The following DNAH9 variants were observed in gnomAD, a reference collection of about 807,000 sequenced individuals.
The protein encoded by DNAH9 is DNAH9 variant protein.
In DNAH9, 345 loss-of-function variants were observed where a neutral mutation model predicts 471.6. That is an observed-to-expected ratio of 0.73 (90% CI 0.67 to 0.80). The LOEUF (loss-of-function observed/expected upper bound fraction) is 0.80. DNAH9 is among the 30% of genes least tolerant of loss of function. The probability of loss-of-function intolerance (pLI) is 0.00; values close to 1 mark genes in which losing one functional copy is unlikely to be tolerated. For synonymous variants in DNAH9, 2,093 were observed against 2,123.6 expected (o/e 0.99, Z 0.40); for missense variants, 5,407 against 5,609.2 (o/e 0.96, Z 1.15).
intron 28 of DNAH9, among the ~76,000 whole-genome samples, chr17:11,734,187 T>C (rs1366794062): frequency 6.6e-6 from 1 of 151,776 alleles, no homozygotes; most frequent in Non-Finnish European, 1.5e-5. Flanking sequence ...AAATGCAGAG[T>C]CTCAGGCCCC....
intron 50 of DNAH9, among the ~76,000 whole-genome samples, chr17:11,860,969 T>C (rs1021694388): frequency 7.2e-5 from 11 of 152,196 alleles, no homozygotes; most frequent in Non-Finnish European, 1.2e-4. Context: ...AGTCTTCTAA[T>C]CTTTTCCTTT....
chr17:11,722,077 G>A (rs780466085), intron 27 of DNAH9, among the ~76,000 whole-genome samples: 9 of 152,252 alleles, frequency 5.9e-5, no homozygotes, highest in South Asian at 2.1e-4. Flanking sequence ...CACAGGACCC[G>A]GCTGGGAGAG....
intron 57 of DNAH9, among the ~76,000 whole-genome samples, chr17:11,889,211 G>A (rs939775528): frequency 2.6e-5 from 4 of 152,140 alleles, no homozygotes; most frequent in Admixed American, 6.5e-5. Flanking sequence ...GACATGGCTG[G>A]GGGAATAACA....
chr17:11,810,204 G>C, intron 44 of DNAH9, 42 bp from the exon 45 acceptor site: 2 of 1,580,754 alleles, frequency 1.3e-6, no homozygotes, highest in Non-Finnish European at 1.7e-6. Flanking sequence ...CTTTCAAGGA[G>C]GCCTTCTTTT....
intron 48 of DNAH9, among the ~76,000 whole-genome samples, chr17:11,824,734 G>T (rs1385849310): frequency 6.6e-6 from 1 of 151,258 alleles, no homozygotes; most frequent in South Asian, 2.1e-4. Flanking sequence ...TTCTTTTTTC[G>T]GTGCATCCTA....
chr17:11,691,718 A>C (rs1319775513), intron 20 of DNAH9, among the ~76,000 whole-genome samples: 1 of 152,186 alleles, frequency 6.6e-6, no homozygotes, highest in Non-Finnish European at 1.5e-5. Context: ...ATACTTCTGC[A>C]ACCTTGATAC....
At chr17:11,885,841 GT>G (rs1972861497) in intron 56 of DNAH9, among the ~76,000 whole-genome samples, 1 of 152,106 alleles carries the variant, frequency 6.6e-6, no homozygotes, top group South Asian at 2.1e-4. Flanking sequence ...GTTTGTAATT[GT>G]TTATTATGAG....
chr17:11,882,968 C>G (rs1972776463), intron 55 of DNAH9: 2 of 985,380 alleles, frequency 2.0e-6, no homozygotes, highest in Non-Finnish European at 1.2e-6. Context: ...GGTTGTTCTT[C>G]CCACGAATCC....
chr17:11,959,111 A>C (rs1975864326), intron 67 of DNAH9, among the ~76,000 whole-genome samples: 1 of 151,290 alleles, frequency 6.6e-6, no homozygotes, highest in African/African-American at 2.4e-5. Context: ...AAAAAAAAAC[A>C]GAAATCAAAG....
chr17:11,876,711 T>TTTG (rs1567868618), intron 53 of DNAH9, among the ~76,000 whole-genome samples: 10 of 151,930 alleles, frequency 6.6e-5, no homozygotes, highest in Admixed American at 2.6e-4. Context: ...GTTTTGTTTT[T>TTTG]TTTGTTTGTT....
intron 36 of DNAH9, among the ~76,000 whole-genome samples, chr17:11,766,751 T>G (rs1278975529): frequency 6.6e-6 from 1 of 151,826 alleles, no homozygotes; most frequent in Non-Finnish European, 1.5e-5. Flanking sequence ...GATCATGAGG[T>G]CCGTAGTTCA....
chr17:11,609,951 A>G (rs2072596562), intron 2 of DNAH9, among the ~76,000 whole-genome samples: 1 of 152,190 alleles, frequency 6.6e-6, no homozygotes, highest in African/African-American at 2.4e-5. Context: ...TATAGAGACA[A>G]ACTTTTTCCT....
In DNAH9 at chr17:11,923,829, A is replaced by G. The variant is rs1166035607; in HGVS notation, c.11765A>G (p.Tyr3922Cys). Reference sequence around the variant, plus strand: ...CTCCTTTTAGGAAGAAAACTTGGATACACCTTCAACAATCAGAACTTTCAC... The same window carrying G: ...CTCCTTTTAGGAAGAAAACTTGGATGCACCTTCAACAATCAGAACTTTCAC... ...DVESQGRKLG[Y>C]TFNNQNFHNV... Residue 3922 changes from tyrosine (Y) to cysteine (C), a missense_variant, in exon 62 of 69, where the codon TAC becomes TGC. By Grantham distance (194) the Tyr-to-Cys change is radical (BLOSUM62 -2). This residue lies in a region of DNAH9 where 4,636 missense variants were observed against 4,900.3 expected (regional missense o/e 0.95). Transcript: ENST00000262442. The G allele has an allele frequency of 3.7e-6, 6 of 1,613,976 alleles. No individual in the cohort carries two copies. In the East Asian group the frequency reaches 6.7e-5, roughly 18 times the overall value.
At chr17:11,632,334 G>T (rs2073085515) in intron 7 of DNAH9, among the ~76,000 whole-genome samples, 1 of 152,138 alleles carries the variant, frequency 6.6e-6, no homozygotes, top group Non-Finnish European at 1.5e-5. Context: ...GGAGGAGCAT[G>T]GAAAGGGTGG....
At chr17:11,769,862 C>T (rs747738898) in intron 38 of DNAH9, among the ~76,000 whole-genome samples, 4 of 152,224 alleles carry the variant, frequency 2.6e-5, no homozygotes, top group African/African-American at 7.2e-5. Flanking sequence ...TAGACATGGG[C>T]CACCGGTGAT....
intron 61 of DNAH9, 117 bp downstream of exon 61, chr17:11,905,926 A>G (rs750125570): frequency 2.0e-5 from 26 of 1,295,858 alleles, no homozygotes; most frequent in Non-Finnish European, 2.7e-5. Flanking sequence ...ACTGCAAATC[A>G]TACAGAAGTC....
intron 50 of DNAH9, among the ~76,000 whole-genome samples, chr17:11,867,843 T>G (rs1386070706): frequency 6.6e-6 from 1 of 152,218 alleles, no homozygotes; most frequent in African/African-American, 2.4e-5. Flanking sequence ...CATAGGTGAC[T>G]GGTGGCATTG....
chr17:11,884,010 T>G (rs891618301), intron 56 of DNAH9, among the ~76,000 whole-genome samples: 4 of 152,160 alleles, frequency 2.6e-5, no homozygotes, highest in African/African-American at 9.7e-5. Context: ...GAGGAACACT[T>G]AAGCCTTTGT....
chr17:11,810,317 C>A lies in DNAH9; in HGVS notation c.8655C>A (p.Ala2885=), dbSNP rs1329585037. 1 of 1,613,616 alleles carries A rather than the reference C, an allele frequency of 6.2e-7. No individual in the cohort carries two copies. The highest frequency in any genetic ancestry group is 8.5e-7 in the Non-Finnish European group (1 of 1,179,864). ...ACACAGTGTTTCTCATGACTGATGC[C>A]CAAGTGGCTGATGAGAGGTTCCTTG... ...NLNTVFLMTD[A]QVADERFLVL... The change falls in exon 45 of 69, where the codon GCC becomes GCA. Residue 2885 remains alanine, a synonymous_variant. Transcript: ENST00000262442.
Sources: allele counts gnomAD v4.1 joint callset (sites outside exome capture counted in the v4.1 genomes callset), GRCh38; gene constraint gnomAD v4.1.1; regional missense constraint gnomAD v4.1.1; transcripts MANE v1.5; gene names NCBI Gene and HGNC (gene_info 2026-07-23, HGNC 2026-07-21).